STPG2: variants seen among roughly 807,000 people sequenced by gnomAD.
STPG2 encodes sperm tail PG-rich repeat containing 2.
STPG2 carries 56 observed loss-of-function variants against 54.2 expected under a neutral mutation model. The observed-to-expected ratio is 1.03, with a 90% CI of 0.83 to 1.29. The LOEUF is 1.29. Ranked by LOEUF, STPG2 falls within the 50% of genes most tolerant of loss-of-function variation. The pLI, the probability that STPG2 is intolerant of heterozygous loss-of-function variation, is 0.00. For missense variants in STPG2, 596 were observed against 544.9 expected (o/e 1.09, Z -0.93); for synonymous variants, 200 against 181.8 (o/e 1.10, Z -0.81).
chr4:97,451,027 A>C (rs1267411058), intron 4 of STPG2, among the ~76,000 whole-genome samples: 2 of 152,132 alleles, frequency 1.3e-5, no homozygotes, highest in Non-Finnish European at 2.9e-5. Context: ...ACTATAGACC[A>C]ATGTTCAGAG....
intron 10 of STPG2, among the ~76,000 whole-genome samples, chr4:97,633,295 A>G (rs998188937): frequency 6.6e-6 from 1 of 152,132 alleles, no homozygotes; most frequent in East Asian, 1.9e-4. Context: ...AAATATACAA[A>G]TTAAAAAGTT....
chr4:98,011,075 G>C (rs1315953036), intron 5 of STPG2, among the ~76,000 whole-genome samples: 1 of 151,738 alleles, frequency 6.6e-6, no homozygotes, highest in Non-Finnish European at 1.5e-5. Flanking sequence ...AGCCCCACAT[G>C]CATTAGCTAT....
At chr4:98,062,743 T>C (rs1466703012) in intron 5 of STPG2, among the ~76,000 whole-genome samples, 2 of 152,106 alleles carry the variant, frequency 1.3e-5, no homozygotes, top group African/African-American at 4.8e-5. Context: ...ATGGTAACTA[T>C]ATAATTAAAA....
At chr4:97,594,715 A>G (rs1733237423) in intron 10 of STPG2, among the ~76,000 whole-genome samples, 1 of 152,206 alleles carries the variant, frequency 6.6e-6, no homozygotes, top group South Asian at 2.1e-4. Context: ...GAAATTAAAG[A>G]AAAATCATTA....
intron 10 of STPG2, among the ~76,000 whole-genome samples, chr4:97,613,258 T>A (rs559425466): frequency 6.6e-6 from 1 of 152,084 alleles, no homozygotes; most frequent in African/African-American, 2.4e-5. Flanking sequence ...TCTTTCCTTA[T>A]CATGACCTTG....
At chr4:97,591,880 A>C (rs956777907) in intron 10 of STPG2, among the ~76,000 whole-genome samples, 1 of 152,208 alleles carries the variant, frequency 6.6e-6, no homozygotes, top group Non-Finnish European at 1.5e-5. Flanking sequence ...ATGCTAAAAA[A>C]TATGCTCTTA....
chr4:97,819,776 T>C (rs1439345361), intron 9 of STPG2, among the ~76,000 whole-genome samples: 1 of 152,064 alleles, frequency 6.6e-6, no homozygotes, highest in Non-Finnish European at 1.5e-5. Context: ...TGTTAAAACA[T>C]TTAAATTTTT....
At chr4:97,878,379 G>A (rs1362268319) in intron 8 of STPG2, among the ~76,000 whole-genome samples, 1 of 152,158 alleles carries the variant, frequency 6.6e-6, no homozygotes, top group Non-Finnish European at 1.5e-5. Context: ...TCTCCATGAG[G>A]GCCCCACCCC....
chr4:97,889,621 A>G (rs1730694381), intron 8 of STPG2, among the ~76,000 whole-genome samples: 1 of 152,186 alleles, frequency 6.6e-6, no homozygotes. Flanking sequence ...AATTGATTTC[A>G]TAGAAATAGA....
At chr4:97,905,429 C>T (rs1032683330) in intron 8 of STPG2, among the ~76,000 whole-genome samples, 1 of 151,886 alleles carries the variant, frequency 6.6e-6, no homozygotes, top group Non-Finnish European at 1.5e-5. Flanking sequence ...CACCACCAGG[C>T]CTGCCCTAAA....
intron 10 of STPG2, among the ~76,000 whole-genome samples, chr4:97,665,011 G>C (rs1034644080): frequency 2.6e-5 from 4 of 152,106 alleles, no homozygotes; most frequent in Admixed American, 2.0e-4. Flanking sequence ...CTCCCTGTGA[G>C]GCTGTGGCTG....
intron 10 of STPG2, among the ~76,000 whole-genome samples, chr4:97,688,990 T>C (rs753043748): frequency 1.3e-5 from 2 of 152,180 alleles, no homozygotes; most frequent in Non-Finnish European, 2.9e-5. Flanking sequence ...TTTTCTGCTA[T>C]AGAAATAAAA....
Position 97,907,795 on chromosome 4 carries a change from T to C in STPG2, c.1044+36102A>G, listed in dbSNP as rs1390545012. ...GGATTCCCTATTTAATAAATAGTGG[T>C]GGGAAAACTGGCTAGCCATATGTAG... On this transcript the variant is annotated intron_variant, in intron 8 of 10. Transcript: ENST00000295268. 1.3e-4 allele frequency among the ~76,000 whole-genome samples: 20 copies of C among 152,202 alleles called. No individual in the cohort carries two copies. In the East Asian group the frequency reaches 3.9e-3, roughly 29 times the overall value.
At chr4:98,137,414 T>C (rs529277542) in intron 1 of STPG2, among the ~76,000 whole-genome samples, 71 of 151,978 alleles carry the variant, frequency 4.7e-4, no homozygotes, top group African/African-American at 1.6e-3. Flanking sequence ...CAATGTTCTA[T>C]TTCTGTTTTC....
intron 8 of STPG2, among the ~76,000 whole-genome samples, chr4:97,875,109 G>A (rs1299330642): frequency 6.6e-6 from 1 of 151,906 alleles, no homozygotes; most frequent in Non-Finnish European, 1.5e-5. Context: ...ATTGTTTCCA[G>A]TTTTTGGTTA....
chr4:97,580,467 A>G (rs2148890415), intron 10 of STPG2, among the ~76,000 whole-genome samples: 1 of 152,066 alleles, frequency 6.6e-6, no homozygotes. Context: ...AGAAGGATCA[A>G]TCATGAATGG....
rs1303585019 is a variant in STPG2, at chr4:97,635,999, C to T, written c.1320+76700G>A. Among the ~76,000 whole-genome samples the T allele has an allele frequency of 2.0e-4, 30 of 152,254 alleles. 1 individual carries two copies. In the South Asian group the frequency reaches 6.0e-3, roughly 31 times the overall value. On this transcript the variant is annotated intron_variant, in intron 10 of 10. Transcript: ENST00000295268. The stretch of plus-strand genomic sequence containing the variant: ...CTCTGCACCAAGTGGACCTAATAGA[C>T]ATCTACAGAACTCTCCACCCCAAAT...
intron 10 of STPG2, among the ~76,000 whole-genome samples, chr4:97,561,910 A>C (rs1732260024): frequency 6.6e-6 from 1 of 152,042 alleles, no homozygotes; most frequent in African/African-American, 2.4e-5. Context: ...CTTAGGATTG[A>C]CTTGGCTATG....
chr4:97,926,086 T>C (rs1215833877), intron 8 of STPG2, among the ~76,000 whole-genome samples: 1 of 152,202 alleles, frequency 6.6e-6, no homozygotes, highest in African/African-American at 2.4e-5. Context: ...TGACTGATCA[T>C]AGGCCCTCTC....
Sources: gnomAD v4.1 joint callset for allele counts (sites outside exome capture counted in the v4.1 genomes callset) on GRCh38, gnomAD v4.1.1 for gene constraint, MANE v1.5 for transcripts, NCBI Gene and HGNC (gene_info 2026-07-23, HGNC 2026-07-21) for gene names.